The following ZNF678 variants were observed in gnomAD, a reference collection of about 807,000 sequenced individuals.
The protein encoded by ZNF678 is hypothetical protein MGC42493.
ZNF678 carries 5 observed loss-of-function variants against 3.0 expected under a neutral mutation model. That is an observed-to-expected ratio of 1.69 (90% CI 0.88 to 3.56). The LOEUF is 3.56. Ranked by LOEUF, ZNF678 falls within the 30% of genes most tolerant of loss-of-function variation. ZNF678 has a pLI of 0.00. For synonymous variants in ZNF678, 218 were observed against 199.6 expected, an observed-to-expected ratio of 1.09 and a Z score of -0.78; for missense variants, 593 against 605.0, an observed-to-expected ratio of 0.98 and a Z score of 0.21.
chr1:227,631,115 G>A lies in ZNF678; in HGVS notation c.-163-15429G>A, dbSNP rs373677561. ...ATTCTCCAGAATACATCTTAGGGGC[G>A]TTTTTGCCTTGGAGGGAACGTTTCC... On this transcript the variant is annotated intron_variant, in intron 1 of 3. Transcript: ENST00000343776. 2.2e-4 allele frequency among the ~76,000 whole-genome samples: 34 copies of A among 152,156 alleles called. No individual in the cohort carries two copies. In the South Asian group the frequency reaches 5.0e-3, roughly 22 times the overall value.
At chr1:227,664,396 G>A (rs184759387), downstream of ZNF678, among the ~76,000 whole-genome samples, 235 of 152,108 alleles carry the variant, frequency 1.5e-3, no homozygotes, top group African/African-American at 5.4e-3. Context: ...TCCAGAAATA[G>A]CCTCCTCAGC....
chr1:227,586,141 C>T (rs1014940590), intron 1 of ZNF678, among the ~76,000 whole-genome samples: 1 of 152,156 alleles, frequency 6.6e-6, no homozygotes, highest in East Asian at 1.9e-4. Flanking sequence ...ATGATTGAGT[C>T]TGTGAATAAC....
chr1:227,619,822 T>A (rs566316701), intron 1 of ZNF678, among the ~76,000 whole-genome samples: 1 of 152,342 alleles, frequency 6.6e-6, no homozygotes, highest in South Asian at 2.1e-4. Context: ...ACCTTGGTGA[T>A]GACCTTGAGC....
intron 1 of ZNF678, among the ~76,000 whole-genome samples, chr1:227,604,581 G>A (rs889556147): frequency 6.6e-6 from 1 of 152,022 alleles, no homozygotes. Flanking sequence ...GTAGAGATGG[G>A]ATTTCACCAT....
Position 227,655,123 on chromosome 1 carries a change from A to C in ZNF678, c.873A>C (p.Lys291Asn). 1 of 1,613,126 alleles carries C rather than the reference A, an allele frequency of 6.2e-7. No homozygotes were observed. The highest frequency in any genetic ancestry group is 8.5e-7 in the Non-Finnish European group (1 of 1,179,620). Residue 291 changes from lysine to asparagine, a missense_variant, in exon 4 of 4, where the codon AAA becomes AAC. By Grantham distance (94) the Lys-to-Asn change is moderately conservative. Transcript: ENST00000343776. Reference sequence around the variant, plus strand: ...ATAGGAGAATTCATACTGGAGAGAAACCCTACAAATGTGAAGAATGTGGCA... The same window carrying C: ...ATAGGAGAATTCATACTGGAGAGAACCCCTACAAATGTGAAGAATGTGGCA... ...TRHRRIHTGE[K>N]PYKCEECGKA...
chr1:227,654,198 C>CA lies in ZNF678; in HGVS notation c.86-133dup, dbSNP rs1186273634. ...TATATTTTTGTTAAGTTTATATGTT[C>CA]AAAAAGGAATCATGGCATGTGATAT... On this transcript the variant is annotated intron_variant, in intron 3 of 3. Coordinates refer to ENST00000343776, the MANE Select transcript of ZNF678 (RefSeq NM_001367909.1). The CA allele has an allele frequency of 1.2e-5, 9 of 732,238 alleles. No homozygotes were observed. In the African/African-American group the frequency reaches 1.7e-4, roughly 14 times the overall value. The allele number at this position is 732,238 out of a possible 1,614,324, so 45.4% of individuals were successfully genotyped here.
chr1:227,587,790 G>C (rs1657299494), intron 1 of ZNF678, among the ~76,000 whole-genome samples: 1 of 149,020 alleles, frequency 6.7e-6, no homozygotes, highest in Non-Finnish European at 1.5e-5. Context: ...TTTAGCCACT[G>C]TGGAAACCCT....
intron 1 of ZNF678, among the ~76,000 whole-genome samples, chr1:227,602,049 T>A (rs758365087): frequency 2.6e-5 from 4 of 152,240 alleles, no homozygotes; most frequent in Non-Finnish European, 5.9e-5. Context: ...CTTACTTGGA[T>A]GTCCTTTATT....
intron 1 of ZNF678, among the ~76,000 whole-genome samples, chr1:227,607,299 C>T (rs948383176): frequency 1.3e-5 from 2 of 152,132 alleles, no homozygotes; most frequent in African/African-American, 4.8e-5. Flanking sequence ...GGCTTTGAGG[C>T]TGTCTGTTAA....
At position 227,606,685 on chromosome 1, in the gene ZNF678, T is replaced by C. The variant is rs562054020; in HGVS notation, c.-163-39859T>C. 4.2e-3 allele frequency among the ~76,000 whole-genome samples: 634 copies of C among 152,260 alleles called. 2 individuals carry two copies. Among genetic ancestry groups the C allele is most frequent in the African/African-American group, 0.015 (605 of 41,552 alleles). ...AGGCTGTCTCAGTGGCGGGGAAACC[T>C]TGGACAATACCCAGCCTTTCTTGGG... On this transcript the variant is annotated intron_variant, in intron 1 of 3. Coordinates refer to ENST00000343776, the MANE Select transcript of ZNF678 (RefSeq NM_001367909.1).
At chr1:227,574,782 T>G (rs968126190) in intron 1 of ZNF678, among the ~76,000 whole-genome samples, 1 of 152,214 alleles carries the variant, frequency 6.6e-6, no homozygotes, top group African/African-American at 2.4e-5. Context: ...CTGGGGTTTT[T>G]ATAGTTTTGG....
intron 1 of ZNF678, among the ~76,000 whole-genome samples, chr1:227,642,419 G>A (rs2102792346): frequency 6.6e-6 from 1 of 152,256 alleles, no homozygotes. Context: ...AAGTACCTTA[G>A]CAATGAGAGG....
chr1:227,610,611 T>G (rs368664283), intron 1 of ZNF678, among the ~76,000 whole-genome samples: 153 of 152,310 alleles, frequency 1.0e-3, no homozygotes, highest in African/African-American at 3.6e-3. Flanking sequence ...TCACAAGCTC[T>G]GGTGTTACTT....
At chr1:227,676,079 G>A (rs1659675227) in intron 5 of ZNF678, among the ~76,000 whole-genome samples, 1 of 152,200 alleles carries the variant, frequency 6.6e-6, no homozygotes, top group South Asian at 2.1e-4. Flanking sequence ...TGGTGCTTGG[G>A]ACATTTAACA....
chr1:227,571,808 C>T (rs899617840), intron 1 of ZNF678, among the ~76,000 whole-genome samples: 9 of 152,142 alleles, frequency 5.9e-5, no homozygotes, highest in East Asian at 1.9e-4. Flanking sequence ...TTTGAGAGGC[C>T]GAGGCAGGTG....
At chr1:227,589,724 T>C (rs954322295) in intron 1 of ZNF678, among the ~76,000 whole-genome samples, 1 of 151,780 alleles carries the variant, frequency 6.6e-6, no homozygotes, top group African/African-American at 2.4e-5. Flanking sequence ...ACAATGCTCT[T>C]CCATACAATG....
chr1:227,576,827 G>C (rs1403968308), intron 1 of ZNF678, among the ~76,000 whole-genome samples: 1 of 147,360 alleles, frequency 6.8e-6, no homozygotes, highest in African/African-American at 2.6e-5. Flanking sequence ...GTGATGTTAG[G>C]TTGTTAATTT....
intron 5 of ZNF678, among the ~76,000 whole-genome samples, chr1:227,667,531 G>A (rs1474354650): frequency 3.3e-5 from 5 of 152,128 alleles, no homozygotes; most frequent in Non-Finnish European, 7.4e-5. Flanking sequence ...CTGAGAAGAC[G>A]AGGAGATTGG....
At chr1:227,590,858 AG>A (rs2102738034) in intron 1 of ZNF678, among the ~76,000 whole-genome samples, 1 of 151,888 alleles carries the variant, frequency 6.6e-6, no homozygotes, top group Non-Finnish European at 1.5e-5. Context: ...GTCTTCCTAC[AG>A]GAAGGGTGAA....
Sources: gnomAD v4.1 joint callset for allele counts (sites outside exome capture counted in the v4.1 genomes callset) on GRCh38, gnomAD v4.1.1 for gene constraint, MANE v1.5 for transcripts, NCBI Gene and HGNC (gene_info 2026-07-23, HGNC 2026-07-21) for gene names.